Variants in CEP128 observed in about 807,000 individuals in gnomAD.
CEP128 encodes the protein centrosomal protein 128kDa.
Under a neutral mutation model 156.7 loss-of-function variants are expected in CEP128, and 132 were observed. The observed-to-expected ratio is 0.84, with a 90% CI of 0.73 to 0.97. The LOEUF is 0.97. Ranked by LOEUF, CEP128 falls within the 50% of genes least tolerant of loss-of-function variation. The pLI is 0.00. For synonymous variants in CEP128, 469 were observed against 448.9 expected, an observed-to-expected ratio of 1.04 and a Z score of -0.57; for missense variants, 1,252 against 1,281.9, an observed-to-expected ratio of 0.98 and a Z score of 0.36.
At chr14:80,580,241 C>T in intron 20 of CEP128, 133 bp downstream of exon 20, 1 of 555,996 alleles carries the variant, frequency 1.8e-6, no homozygotes. Context: ...AAGCAAATTC[C>T]AACTTTATAG....
At chr14:80,694,564 C>T (rs1199310078) in intron 19 of CEP128, among the ~76,000 whole-genome samples, 1 of 152,092 alleles carries the variant, frequency 6.6e-6, no homozygotes, top group Non-Finnish European at 1.5e-5. Context: ...GGAATATATG[C>T]AGCCATAAAA....
intron 13 of CEP128, among the ~76,000 whole-genome samples, chr14:80,829,259 G>C (rs1885651790): frequency 6.6e-6 from 1 of 152,120 alleles, no homozygotes; most frequent in Non-Finnish European, 1.5e-5. Flanking sequence ...CAGAAAAAAT[G>C]CAACTAGTTA....
At chr14:80,534,530 T>C (rs1889386739) in intron 21 of CEP128, among the ~76,000 whole-genome samples, 1 of 152,116 alleles carries the variant, frequency 6.6e-6, no homozygotes, top group African/African-American at 2.4e-5. Flanking sequence ...AAGTCCCCAC[T>C]GTTAAGGGAG....
In CEP128 at chr14:80,938,245, A is replaced by ATTTTTT. The variant is rs35236692; in HGVS notation, c.-16+1134_-16+1139dup. Among the ~76,000 whole-genome samples the ATTTTTT allele has an allele frequency of 1.4e-3, 169 of 116,960 alleles. 6 individuals carry two copies. Among genetic ancestry groups the ATTTTTT allele is most frequent in the Admixed American group, 3.4e-3 (34 of 9,994 alleles). The allele number at this position is 116,960 out of a possible 152,430, so 76.7% of individuals were successfully genotyped here. A position where few individuals can be genotyped will look rare whatever the true frequency, so the allele number is the denominator to read the frequency against. ...ACTGATCTTAATACACAGTGTTAGT[A>ATTTTTT]TTTTTTTTTTTTTTTTTTTGAGACA... is the stretch of plus-strand genomic sequence containing the variant. On this transcript the variant is annotated intron_variant, in intron 2 of 24. Transcript: ENST00000555265.
chr14:80,743,269 TA>T lies in CEP128; in HGVS notation c.2614-3del, dbSNP rs762546104. ...CTCACAGAGCCACTGAAGTTTAGTC[TA>T]AAAAATAACATTTATATCTAATGGT... is the stretch of plus-strand genomic sequence containing the variant. On this transcript the variant is annotated splice_polypyrimidine_tract_variant and splice_region_variant and intron_variant, in intron 18 of 24. Transcript: ENST00000555265. 30 of 1,604,288 alleles carry T rather than the reference TA, an allele frequency of 1.9e-5. No homozygotes were observed. Among genetic ancestry groups the T allele is most frequent in the Non-Finnish European group, 2.4e-5 (28 of 1,173,082 alleles).
intron 6 of CEP128, 95 bp downstream of exon 6, chr14:80,904,718 T>G: frequency 1.3e-6 from 1 of 762,050 alleles, no homozygotes; most frequent in East Asian, 2.5e-5. Flanking sequence ...AAATTCTTGG[T>G]TAAAATATAG....
At chr14:80,825,119 C>T (rs767050981) in intron 13 of CEP128, among the ~76,000 whole-genome samples, 4 of 152,144 alleles carry the variant, frequency 2.6e-5, no homozygotes, top group Non-Finnish European at 4.4e-5. Flanking sequence ...AAGAACAGTA[C>T]AGGAAAGACC....
rs1375616768 is a variant in CEP128, at chr14:80,524,802, C to T, written c.3072+2067G>A. 3.9e-5 allele frequency among the ~76,000 whole-genome samples: 6 copies of T among 152,122 alleles called. No individual in the cohort carries two copies. The East Asian group carries it at 9.6e-4, about 24-fold the overall frequency. ...ATATTTAAGTAGTATTAATGTGGAACAACACCATCATAAAATGTGTTCTGC... is the reference window on the plus strand; with the variant it reads ...ATATTTAAGTAGTATTAATGTGGAATAACACCATCATAAAATGTGTTCTGC... On this transcript the variant is annotated intron_variant, in intron 23 of 24. Transcript: ENST00000555265.
intron 2 of CEP128, among the ~76,000 whole-genome samples, chr14:80,927,483 G>T (rs1405147077): frequency 1.3e-5 from 2 of 152,164 alleles, no homozygotes; most frequent in African/African-American, 4.8e-5. Context: ...CCCCACAAGA[G>T]GAATGTCCTC....
intron 23 of CEP128, among the ~76,000 whole-genome samples, chr14:80,517,128 C>T (rs1888526236): frequency 6.8e-6 from 1 of 148,096 alleles, no homozygotes; most frequent in Non-Finnish European, 1.5e-5. Flanking sequence ...TGTATCTTCT[C>T]TTTTTTTTTT....
rs559432212 is a variant in CEP128, at chr14:80,889,539, A to G, written c.645+6179T>C. Among the ~76,000 whole-genome samples, 5 of 152,342 alleles carry G rather than the reference A, an allele frequency of 3.3e-5. No individual in the cohort carries two copies. In the South Asian group the frequency reaches 8.3e-4, roughly 25 times the overall value. On this transcript the variant is annotated intron_variant, in intron 8 of 24. Transcript: ENST00000555265. ...ACAAGAAATGGAGAAAGGATTTCCTATTTAATAAATGGTGCTGGGAAAACT... is the reference window on the plus strand; with the variant it reads ...ACAAGAAATGGAGAAAGGATTTCCTGTTTAATAAATGGTGCTGGGAAAACT...
intron 19 of CEP128, among the ~76,000 whole-genome samples, chr14:80,603,740 T>C (rs748278851): frequency 6.6e-6 from 1 of 152,202 alleles, no homozygotes; most frequent in Non-Finnish European, 1.5e-5. Flanking sequence ...ATATAAATTA[T>C]GTGTTGGTGA....
intron 19 of CEP128, among the ~76,000 whole-genome samples, chr14:80,678,070 A>ATATATGTG (rs1896162413): frequency 2.2e-5 from 3 of 135,516 alleles, no homozygotes; most frequent in African/African-American, 8.1e-5. Flanking sequence ...ATATGTATAT[A>ATATATGTG]TATATATGCT....
At chr14:80,663,783 A>C (rs948048140) in intron 19 of CEP128, among the ~76,000 whole-genome samples, 1 of 152,222 alleles carries the variant, frequency 6.6e-6, no homozygotes, top group African/African-American at 2.4e-5. Flanking sequence ...TGCAGAGCCC[A>C]ATTATAATCA....
chr14:80,828,060 G>C (rs549400919), intron 13 of CEP128, among the ~76,000 whole-genome samples: 42 of 151,978 alleles, frequency 2.8e-4, no homozygotes, highest in African/African-American at 1.0e-3. Flanking sequence ...TTGGTGACAG[G>C]GCAGCTGGCT....
intron 19 of CEP128, among the ~76,000 whole-genome samples, chr14:80,735,555 T>A (rs1898488179): frequency 6.6e-6 from 1 of 152,192 alleles, no homozygotes; most frequent in Non-Finnish European, 1.5e-5. Flanking sequence ...GGGAATCAAG[T>A]AGCAGAGAAC....
intron 18 of CEP128, among the ~76,000 whole-genome samples, chr14:80,754,130 C>G (rs1280625164): frequency 1.3e-5 from 2 of 152,210 alleles, no homozygotes; most frequent in African/African-American, 4.8e-5. Context: ...CCAGGATCCT[C>G]AAAATGGCAA....
intron 19 of CEP128, among the ~76,000 whole-genome samples, chr14:80,669,996 T>C (rs1895774335): frequency 6.6e-6 from 1 of 152,048 alleles, no homozygotes; most frequent in African/African-American, 2.4e-5. Flanking sequence ...AAGGGGGAGC[T>C]GGCACATTCA....
chr14:80,662,201 AAAGT>A (rs1345364431), intron 19 of CEP128, among the ~76,000 whole-genome samples: 1 of 152,172 alleles, frequency 6.6e-6, no homozygotes, highest in African/African-American at 2.4e-5. Flanking sequence ...AATATTTAGG[AAAGT>A]TAGTCTAATT....
Sources: allele counts gnomAD v4.1 joint callset (sites outside exome capture counted in the v4.1 genomes callset), GRCh38; gene constraint gnomAD v4.1.1; transcripts MANE v1.5; gene names NCBI Gene and HGNC (gene_info 2026-07-23, HGNC 2026-07-21).